KLHDC4: variants seen among roughly 807,000 people sequenced by gnomAD.
The protein encoded by KLHDC4 is kelch domain-containing protein 4.
KLHDC4 carries 90 observed loss-of-function variants against 62.4 expected under a neutral mutation model. That is an observed-to-expected ratio of 1.44 (90% CI 1.22 to 1.72). The LOEUF (loss-of-function observed/expected upper bound fraction) is 1.72. Among genes scored for constraint, KLHDC4 ranks in the 40% most tolerant of loss-of-function variants. The pLI is 0.00. For missense variants in KLHDC4, 1,025 were observed against 699.7 expected, an observed-to-expected ratio of 1.47 and a Z score of -5.25; for synonymous variants, 386 against 284.4, an observed-to-expected ratio of 1.36 and a Z score of -3.59.
chr16:87,751,955 G>T (rs1013503080), intron 4 of KLHDC4, among the ~76,000 whole-genome samples: 4 of 150,830 alleles, frequency 2.7e-5, no homozygotes, highest in African/African-American at 9.8e-5. Flanking sequence ...GGTGCCTGTA[G>T]TCCCAGCTAC....
chr16:87,742,759 T>C (rs1203501372), intron 5 of KLHDC4, among the ~76,000 whole-genome samples: 5 of 152,118 alleles, frequency 3.3e-5, no homozygotes, highest in African/African-American at 1.2e-4. Context: ...AAGATCCTCT[T>C]CTCTGCCAGC....
At chr16:87,703,899 G>A (rs752625226), downstream of KLHDC4, among the ~76,000 whole-genome samples, 1 of 152,210 alleles carries the variant, frequency 6.6e-6, no homozygotes, top group Non-Finnish European at 1.5e-5. Flanking sequence ...ACTGCAACCT[G>A]CGCCGGGAGC....
intron 7 of KLHDC4, among the ~76,000 whole-genome samples, chr16:87,719,608 T>C (rs1597460817): frequency 6.6e-6 from 1 of 151,886 alleles, no homozygotes; most frequent in African/African-American, 2.4e-5. Context: ...CCCTCCACTG[T>C]TGTCCTATGA....
chr16:87,727,070 A>G (rs182886606), intron 6 of KLHDC4, 146 bp from the exon 7 acceptor site: 2 of 791,920 alleles, frequency 2.5e-6, no homozygotes, highest in East Asian at 2.9e-5. Flanking sequence ...TTACACCAAC[A>G]CAACAATCAA....
intron 1 of KLHDC4, chr16:87,765,040 G>A (rs779027973): frequency 4.5e-6 from 2 of 442,174 alleles, no homozygotes; most frequent in African/African-American, 4.0e-5. Context: ...CCTGTCAAAT[G>A]GGAATACCAG....
chr16:87,714,528 A>G lies in KLHDC4; in HGVS notation c.805T>C (p.Phe269Leu), dbSNP rs1320219799. ...CTTCCGTCCTCTGGCTTCAGCAGGAACATGTCTGAGTGCCGTGTGCCCTTG... is the reference window on the plus strand; with the variant it reads ...CTTCCGTCCTCTGGCTTCAGCAGGAGCATGTCTGAGTGCCGTGTGCCCTTG... ...VDKGTRHSDM[F>L]LLKPEDGRED... The change falls in exon 8 of 12, where the codon TTC becomes CTC. Residue 269 changes from phenylalanine (F) to leucine (L), a missense_variant. Transcript: ENST00000270583. 6.2e-7 allele frequency: 1 copy of G among 1,614,174 alleles called. No individual in the cohort carries two copies. Among genetic ancestry groups the G allele is most frequent in the Non-Finnish European group, 8.5e-7 (1 of 1,180,016 alleles).
intron 10 of KLHDC4, 53 bp from the exon 11 acceptor site, chr16:87,708,519 G>T: frequency 7.2e-7 from 1 of 1,388,138 alleles, no homozygotes; most frequent in Non-Finnish European, 9.9e-7. Context: ...AGGCAGGTGG[G>T]GGAGGCTGCG....
intron 4 of KLHDC4, among the ~76,000 whole-genome samples, chr16:87,754,713 G>A (rs1304634961): frequency 6.6e-6 from 1 of 152,192 alleles, no homozygotes; most frequent in African/African-American, 2.4e-5. Context: ...CCCCTTCCCT[G>A]ACAGGAGAGC....
chr16:87,764,591 T>G (rs2046335600), intron 1 of KLHDC4, among the ~76,000 whole-genome samples: 1 of 127,696 alleles, frequency 7.8e-6, no homozygotes, highest in Non-Finnish European at 1.5e-5. Context: ...GGAGGTGCAG[T>G]GAGCTGAGAT....
At chr16:87,745,789 G>A (rs969081412) in intron 5 of KLHDC4, among the ~76,000 whole-genome samples, 2 of 152,210 alleles carry the variant, frequency 1.3e-5, no homozygotes. Flanking sequence ...CAGGGTGGGA[G>A]AGAATGCGGA....
downstream of KLHDC4, among the ~76,000 whole-genome samples, chr16:87,703,918 C>A (rs2034336306): frequency 6.6e-6 from 1 of 152,188 alleles, no homozygotes; most frequent in Non-Finnish European, 1.5e-5. Flanking sequence ...GCCATCTGGG[C>A]TATGAAAACG....
At chr16:87,741,253 AGAAG>A (rs1302478523) in intron 5 of KLHDC4, among the ~76,000 whole-genome samples, 1 of 152,334 alleles carries the variant, frequency 6.6e-6, no homozygotes, top group African/African-American at 2.4e-5. Context: ...AACACATAGC[AGAAG>A]GCAGCCAGCC....
intron 4 of KLHDC4, chr16:87,750,272 A>C (rs1807717048): frequency 6.6e-6 from 1 of 152,250 alleles, no homozygotes. Flanking sequence ...CCAGGATGAG[A>C]AAAGCACGCT....
intron 5 of KLHDC4, among the ~76,000 whole-genome samples, chr16:87,741,296 C>T (rs931563347): frequency 2.0e-5 from 3 of 152,216 alleles, no homozygotes; most frequent in Admixed American, 2.0e-4. Context: ...GGCCCAGGCG[C>T]CCTGCTGCCT....
chr16:87,754,884 C>G (rs1267431149), intron 4 of KLHDC4, among the ~76,000 whole-genome samples: 1 of 152,228 alleles, frequency 6.6e-6, no homozygotes, highest in Admixed American at 6.5e-5. Context: ...TCTTCACCAT[C>G]TAGTCCAGAC....
intron 7 of KLHDC4, among the ~76,000 whole-genome samples, chr16:87,715,427 C>T (rs1052597723): frequency 2.0e-5 from 3 of 152,096 alleles, no homozygotes; most frequent in Admixed American, 6.5e-5. Flanking sequence ...TTACCGGGAG[C>T]GTGGCCCACA....
rs1054417204 is a variant in KLHDC4, at chr16:87,714,657, G to C, written c.760-84C>G. ...CCCCCAACCCTGTGGGCGCATTTTG[G>C]ATGGAAGGGGCTGGAGGCCTTCCCT... On this transcript the variant is annotated intron_variant, in intron 7 of 11. Coordinates refer to ENST00000270583, the MANE Select transcript of KLHDC4 (RefSeq NM_017566.4). 9 of 1,440,910 alleles carry C rather than the reference G, an allele frequency of 6.2e-6. No individual in the cohort carries two copies. In the Admixed American group the frequency reaches 1.4e-4, roughly 22 times the overall value. The allele number at this position is 1,440,910 out of a possible 1,614,324, so 89.3% of individuals were successfully genotyped here.
At chr16:87,743,299 TG>T (rs992733664) in intron 5 of KLHDC4, among the ~76,000 whole-genome samples, 23 of 152,242 alleles carry the variant, frequency 1.5e-4, no homozygotes, top group Admixed American at 1.2e-3. Context: ...CTTACTATGT[TG>T]TCCCGGCTGG....
chr16:87,765,961 T>G lies in KLHDC4; in HGVS notation c.-71A>C, dbSNP rs1212020848. Reference sequence around the variant, plus strand: ...CCCGCGCTCTCCGCTCGGAAACAGGTGCTCGTGGGGCGGAGCTCGGCGCAC... The same window carrying G: ...CCCGCGCTCTCCGCTCGGAAACAGGGGCTCGTGGGGCGGAGCTCGGCGCAC... On this transcript the variant is annotated 5_prime_UTR_variant, in exon 1 of 12. Transcript: ENST00000270583. 9.0e-6 allele frequency: 13 copies of G among 1,441,362 alleles called. No homozygotes were observed. The highest frequency in any genetic ancestry group is 1.0e-5 in the Non-Finnish European group (11 of 1,054,140). 89.3% of individuals were successfully genotyped at this position (1,441,362 alleles called of 1,614,324 possible).
Sources: allele counts gnomAD v4.1 joint callset (sites outside exome capture counted in the v4.1 genomes callset), GRCh38; gene constraint gnomAD v4.1.1; transcripts MANE v1.5; gene names NCBI Gene and HGNC (gene_info 2026-07-23, HGNC 2026-07-21).